ST18: variants seen among roughly 807,000 people sequenced by gnomAD.
ST18 encodes ST18 C2H2C-type zinc finger transcription factor.
A neutral mutation model predicts 110.0 loss-of-function variants in ST18; 50 were observed. The observed-to-expected ratio is 0.45, with a 90% CI of 0.36 to 0.58. The LOEUF (loss-of-function observed/expected upper bound fraction) is 0.58. Among genes scored for constraint, ST18 ranks in the 20% least tolerant of loss-of-function variants. The pLI is 0.00. For missense variants in ST18, 1,306 were observed against 1,280.1 expected, an observed-to-expected ratio of 1.02 and a Z score of -0.31; for synonymous variants, 461 against 452.4, an observed-to-expected ratio of 1.02 and a Z score of -0.24.
chr8:52,324,355 A>G (rs1805348301), intron 2 of ST18, among the ~76,000 whole-genome samples: 1 of 152,106 alleles, frequency 6.6e-6, no homozygotes, highest in African/African-American at 2.4e-5. Flanking sequence ...AAATGGATGA[A>G]TAGACATATA....
chr8:52,377,954 CATGGAACTAG>C (rs1833041914), intron 2 of ST18, among the ~76,000 whole-genome samples: 1 of 152,056 alleles, frequency 6.6e-6, no homozygotes, highest in Non-Finnish European at 1.5e-5. Flanking sequence ...CAGCAACATG[CATGGAACTAG>C]AGGGCATTAT....
intron 2 of ST18, among the ~76,000 whole-genome samples, chr8:52,342,763 A>T (rs980400885): frequency 6.6e-6 from 1 of 152,012 alleles, no homozygotes. Flanking sequence ...AGAACCCAGG[A>T]CTCTGTTTCA....
At position 52,159,153 on chromosome 8, in the gene ST18, T is replaced by TAAACAGATTTGTTTAAAC. The variant is rs1402743309; in HGVS notation, c.1595-45_1595-44insGTTTAAACAAATCTGTTT. On this transcript the variant is annotated intron_variant, in intron 14 of 25. Coordinates refer to ENST00000689386, the MANE Select transcript of ST18 (RefSeq NM_001352837.2). ...ATTAGCAATTGCATGTACATGGTTT[T>TAAACAGATTTGTTTAAAC]AGTCATTAAACAGATTTGTTTTTTT... 2.6e-6 allele frequency: 4 copies of TAAACAGATTTGTTTAAAC among 1,566,204 alleles called. No individual in the cohort carries two copies. In the African/African-American group the frequency reaches 5.4e-5, roughly 21 times the overall value.
chr8:52,353,069 C>G (rs922226730), intron 2 of ST18, among the ~76,000 whole-genome samples: 2 of 152,148 alleles, frequency 1.3e-5, no homozygotes, highest in African/African-American at 4.8e-5. Context: ...ATAGGCAGTG[C>G]ACAGTGATCC....
intron 2 of ST18, among the ~76,000 whole-genome samples, chr8:52,300,794 C>T (rs1202106995): frequency 6.6e-6 from 1 of 152,112 alleles, no homozygotes; most frequent in Non-Finnish European, 1.5e-5. Context: ...CCGTATGGCC[C>T]ACAGAGCCTA....
At chr8:52,165,361 A>G (rs1272387100) in intron 11 of ST18, 136 bp from the exon 12 acceptor site, 7 of 798,640 alleles carry the variant, frequency 8.8e-6, no homozygotes, top group Non-Finnish European at 1.4e-5. Flanking sequence ...CTATTCAGAC[A>G]CAAACAAGTG....
intron 8 of ST18, among the ~76,000 whole-genome samples, chr8:52,188,759 T>C (rs1382445666): frequency 6.6e-6 from 1 of 152,176 alleles, no homozygotes; most frequent in Non-Finnish European, 1.5e-5. Context: ...ACTGGTGAGA[T>C]TCTGAATACA....
chr8:52,298,660 T>C (rs897857203), intron 2 of ST18, among the ~76,000 whole-genome samples: 1 of 152,246 alleles, frequency 6.6e-6, no homozygotes, highest in African/African-American at 2.4e-5. Context: ...AGCATTCAAC[T>C]GCATGGAGCC....
intron 2 of ST18, among the ~76,000 whole-genome samples, chr8:52,352,418 A>G (rs947837176): frequency 1.3e-5 from 2 of 152,188 alleles, no homozygotes; most frequent in African/African-American, 2.4e-5. Flanking sequence ...TAGCTTAAAC[A>G]TGGTCATGGA....
At chr8:52,375,590 C>T (rs1391396486) in intron 2 of ST18, among the ~76,000 whole-genome samples, 2 of 152,168 alleles carry the variant, frequency 1.3e-5, no homozygotes, top group African/African-American at 4.8e-5. Context: ...TTGCCTCATC[C>T]TAACTGTGGA....
chr8:52,204,243 A>C (rs78251824), intron 8 of ST18, among the ~76,000 whole-genome samples: 8,516 of 152,242 alleles, frequency 0.056, 787 homozygotes, highest in African/African-American at 0.19. Context: ...AGATCAAGAA[A>C]ATACCAAAGA....
At chr8:52,280,213 G>A (rs557328476) in intron 2 of ST18, among the ~76,000 whole-genome samples, 1 of 151,950 alleles carries the variant, frequency 6.6e-6, no homozygotes, top group Non-Finnish European at 1.5e-5. Context: ...GGTAAGAGAG[G>A]AAAAGAAACA....
At chr8:52,266,988 A>C (rs2094893080) in intron 2 of ST18, among the ~76,000 whole-genome samples, 1 of 152,134 alleles carries the variant, frequency 6.6e-6, no homozygotes, top group Admixed American at 6.5e-5. Context: ...AAGCTGGTGA[A>C]TACAATTGAG....
At chr8:52,127,432 T>C (rs1318175135) in intron 22 of ST18, among the ~76,000 whole-genome samples, 1 of 152,240 alleles carries the variant, frequency 6.6e-6, no homozygotes, top group Non-Finnish European at 1.5e-5. Context: ...ATCTGTTTTA[T>C]GGGAAGTTTG....
intron 2 of ST18, among the ~76,000 whole-genome samples, chr8:52,258,084 G>C (rs55865170): frequency 0.31 from 46,422 of 152,006 alleles, 7,313 homozygotes; most frequent in Middle Eastern, 0.45. Context: ...ATCCATTGAT[G>C]GTAGACATGG....
At position 52,126,113 on chromosome 8, in the gene ST18, T is replaced by C. The variant is rs1264022028; in HGVS notation, c.2694A>G (p.Gln898=). Residue 898 remains glutamine (Q), a synonymous_variant, in exon 23 of 26, where the codon CAA becomes CAG. Coordinates refer to ENST00000689386, the MANE Select transcript of ST18 (RefSeq NM_001352837.2). The part of the protein sequence containing the change: ...RSLSGCPLNA[Q]VIKKGKVSEE... ...CAGAAACCTTGCCCTTTTTGATAACTTGTGCATTGAGAGGACATCCAGATA... is the reference window on the plus strand; with the variant it reads ...CAGAAACCTTGCCCTTTTTGATAACCTGTGCATTGAGAGGACATCCAGATA... The C allele has an allele frequency of 6.2e-7, 1 of 1,614,138 alleles. No homozygotes were observed. The highest frequency in any genetic ancestry group is 8.5e-7 in the Non-Finnish European group (1 of 1,179,994).
chr8:52,186,457 C>T (rs908903697), intron 8 of ST18, among the ~76,000 whole-genome samples: 3 of 152,172 alleles, frequency 2.0e-5, no homozygotes, highest in Non-Finnish European at 4.4e-5. Context: ...AACGCTCATA[C>T]ACTGCTAGCA....
intron 2 of ST18, among the ~76,000 whole-genome samples, chr8:52,355,750 C>T (rs1822436414): frequency 6.6e-6 from 1 of 152,152 alleles, no homozygotes; most frequent in Non-Finnish European, 1.5e-5. Flanking sequence ...TCAAGCAGCC[C>T]ACACTGCTGG....
At chr8:52,136,765 ATTGGG>A in intron 18 of ST18, 107 bp from the exon 19 acceptor site, 2 of 946,736 alleles carry the variant, frequency 2.1e-6, no homozygotes, top group African/African-American at 1.7e-5. Context: ...GTGACTGGGG[ATTGGG>A]AAAAAAAAAT....
Sources: gnomAD v4.1 joint callset for allele counts (sites outside exome capture counted in the v4.1 genomes callset) on GRCh38, gnomAD v4.1.1 for gene constraint, MANE v1.5 for transcripts, NCBI Gene and HGNC (gene_info 2026-07-23, HGNC 2026-07-21) for gene names.